Variants in SPTA1 observed in about 807,000 individuals in gnomAD.
The protein encoded by SPTA1 is spectrin alpha chain, erythrocytic 1.
SPTA1 carries 177 observed loss-of-function variants against 324.7 expected under a neutral mutation model. That is an observed-to-expected ratio of 0.55 (90% CI 0.48 to 0.62). SPTA1 has a LOEUF of 0.62. Ranked by LOEUF, SPTA1 falls within the 20% of genes least tolerant of loss-of-function variation. SPTA1 has a pLI of 0.00. For synonymous variants in SPTA1, 1,195 were observed against 1,041.3 expected (o/e 1.15, Z -2.84); for missense variants, 3,162 against 2,883.6 (o/e 1.10, Z -2.21).
chr1:158,660,844 T>C (rs1262630464), intron 18 of SPTA1, among the ~76,000 whole-genome samples: 1 of 152,154 alleles, frequency 6.6e-6, no homozygotes, highest in African/African-American at 2.4e-5. Context: ...ACAGAGGTAT[T>C]GAAACTATAT....
At position 158,686,474 on chromosome 1, in the gene SPTA1, G is replaced by A. The variant is rs1216747414; in HGVS notation, c.24+20C>T. On this transcript the variant is annotated intron_variant, in intron 1 of 51. Coordinates refer to ENST00000643759, the MANE Select transcript of SPTA1 (RefSeq NM_003126.4). ...AATAATATTAATGACAAATTGCATGGAAGAGAAATATGTACTTACGGTTTC... is the reference window on the plus strand; with the variant it reads ...AATAATATTAATGACAAATTGCATGAAAGAGAAATATGTACTTACGGTTTC... 6.6e-7 allele frequency: 1 copy of A among 1,513,718 alleles called. No homozygotes were observed. Among genetic ancestry groups the A allele is most frequent in the South Asian group, 1.1e-5 (1 of 88,818 alleles). The allele number at this position is 1,513,718 out of a possible 1,614,324, so 93.8% of individuals were successfully genotyped here.
chr1:158,643,310 C>T lies in SPTA1; in HGVS notation c.4442+12G>A, dbSNP rs367636586. ...CTTCCTTTGGCACATAAAACAATCA[C>T]TCAGGCCTGACCTGTCTAGTACACG... On this transcript the variant is annotated intron_variant, in intron 31 of 51. Coordinates refer to ENST00000643759, the MANE Select transcript of SPTA1 (RefSeq NM_003126.4). 6.2e-7 allele frequency: 1 copy of T among 1,613,664 alleles called. No individual in the cohort carries two copies. Among genetic ancestry groups the T allele is most frequent in the African/African-American group, 1.3e-5 (1 of 74,904 alleles).
intron 26 of SPTA1, 32 bp from the exon 27 acceptor site, chr1:158,647,752 C>T: frequency 6.2e-7 from 1 of 1,612,620 alleles, no homozygotes; most frequent in Non-Finnish European, 8.5e-7. Context: ...GATAATCAGC[C>T]TAGAGACACA....
chr1:158,614,238 T>A lies in SPTA1; in HGVS notation c.6842+15A>T, dbSNP rs776510221. ...TGAAAAACAAAGAAGCAGTTAACTATGAAATTATACTCACTTATAGATTGT... is the reference window on the plus strand; with the variant it reads ...TGAAAAACAAAGAAGCAGTTAACTAAGAAATTATACTCACTTATAGATTGT... On this transcript the variant is annotated intron_variant, in intron 49 of 51. Coordinates refer to ENST00000643759, the MANE Select transcript of SPTA1 (RefSeq NM_003126.4). The A allele has an allele frequency of 7.8e-5, 122 of 1,559,530 alleles. No homozygotes were observed. The highest frequency in any genetic ancestry group is 6.5e-4 in the Admixed American group (39 of 59,704).
chr1:158,638,858 C>T (rs1651309188), intron 35 of SPTA1, among the ~76,000 whole-genome samples: 1 of 151,060 alleles, frequency 6.6e-6, no homozygotes, highest in Non-Finnish European at 1.5e-5. Flanking sequence ...ACAGTACCAA[C>T]TTTGGCAGCC....
intron 3 of SPTA1, among the ~76,000 whole-genome samples, chr1:158,683,059 A>G (rs1013235531): frequency 6.6e-6 from 1 of 152,160 alleles, no homozygotes; most frequent in African/African-American, 2.4e-5. Context: ...ATTAGAAAGA[A>G]CATTGGAAAA....
At chr1:158,681,487 A>C (rs923690119) in intron 4 of SPTA1, 40 bp downstream of exon 4, 1 of 1,613,166 alleles carries the variant, frequency 6.2e-7, no homozygotes, top group South Asian at 1.1e-5. Flanking sequence ...GGGACAGAGG[A>C]GTGGGAGGCC....
At chr1:158,668,094 A>G (rs1653744888) in intron 14 of SPTA1, 32 bp from the exon 15 acceptor site, 2 of 1,566,716 alleles carry the variant, frequency 1.3e-6, no homozygotes, top group African/African-American at 1.4e-5. Flanking sequence ...AAAAAAAACC[A>G]TTACCTGAAG....
At chr1:158,684,704 T>A (rs969799603) in intron 2 of SPTA1, among the ~76,000 whole-genome samples, 3 of 152,074 alleles carry the variant, frequency 2.0e-5, no homozygotes, top group Non-Finnish European at 4.4e-5. Flanking sequence ...ATTGATGTAA[T>A]TTTTTACTTT....
At chr1:158,614,718 A>G (rs753165926) in intron 48 of SPTA1, 5 of 194,750 alleles carry the variant, frequency 2.6e-5, no homozygotes, top group Non-Finnish European at 4.2e-5. Flanking sequence ...ATTATTTATT[A>G]TCAGACCATT....
At chr1:158,648,164 G>A (rs544831649) in intron 26 of SPTA1, among the ~76,000 whole-genome samples, 1 of 152,210 alleles carries the variant, frequency 6.6e-6, no homozygotes, top group African/African-American at 2.4e-5. Context: ...TCAGATATTG[G>A]CCTGATCATC....
intron 25 of SPTA1, 30 bp from the exon 26 acceptor site, chr1:158,648,683 A>G: frequency 1.2e-6 from 2 of 1,612,164 alleles, no homozygotes; most frequent in Middle Eastern, 1.8e-4. Flanking sequence ...AGAGTTCAAA[A>G]GTAAGGATAT....
intron 12 of SPTA1, among the ~76,000 whole-genome samples, chr1:158,670,568 T>C (rs1180535630): frequency 2.0e-5 from 3 of 152,168 alleles, no homozygotes; most frequent in African/African-American, 7.2e-5. Flanking sequence ...GAGGTAGTGG[T>C]ATGTATGTGC....
At chr1:158,667,686 A>G (rs1304587379) in intron 15 of SPTA1, among the ~76,000 whole-genome samples, 172 bp downstream of exon 15, 1 of 152,234 alleles carries the variant, frequency 6.6e-6, no homozygotes, top group Non-Finnish European at 1.5e-5. Flanking sequence ...ATATAGTGTT[A>G]TAAATTCAGG....
In SPTA1 at chr1:158,672,168, G is replaced by T; in HGVS notation, c.1379C>A (p.Ala460Asp). 1 of 1,614,006 alleles carries T rather than the reference G, an allele frequency of 6.2e-7. No homozygotes were observed. Among genetic ancestry groups the T allele is most frequent in the South Asian group, 1.1e-5 (1 of 91,088 alleles). ...KMEILDNNWTALLELWDERHR... is the reference protein window; with the variant it reads ...KMEILDNNWTDLLELWDERHR... ...ACGCTCGTCCCACAGTTCCAGCAGGGCAGTCCAGTTGTTGTCAAGTATTTC... is the reference window on the plus strand; with the variant it reads ...ACGCTCGTCCCACAGTTCCAGCAGGTCAGTCCAGTTGTTGTCAAGTATTTC... The change falls in exon 11 of 52, where the codon GCC (alanine) becomes GAC (aspartate). Residue 460 changes from alanine to aspartate, a missense_variant. Physicochemically the swap from Ala to Asp is moderately radical, Grantham distance 126. Transcript: ENST00000643759.
At chr1:158,615,591 G>A (rs960509595) in intron 47 of SPTA1, among the ~76,000 whole-genome samples, 188 bp from the exon 48 acceptor site, 2 of 152,080 alleles carry the variant, frequency 1.3e-5, no homozygotes, top group Non-Finnish European at 2.9e-5. Flanking sequence ...GGGAAGTTTA[G>A]GTGAATAAAA....
intron 1 of SPTA1, 103 bp downstream of exon 1, chr1:158,686,391 T>C: frequency 1.1e-6 from 1 of 890,216 alleles, no homozygotes; most frequent in South Asian, 1.4e-5. Flanking sequence ...AAAAGCCAAA[T>C]AATTATTAAT....
chr1:158,657,483 T>C lies in SPTA1; in HGVS notation c.2799A>G (p.Ala933=). Residue 933 remains alanine, a synonymous_variant, in exon 19 of 52, where the codon GCA becomes GCG. Transcript: ENST00000643759. ...DNTNYGADEE[A]AGALLKKHEA... is the part of the protein sequence containing the mutation. ...AAACCCACCCCCACCTTACCCCAGC[T>C]GCTTCTTCATCAGCACCATAGTTAG... 3 of 1,114,572 alleles carry C rather than the reference T, an allele frequency of 2.7e-6. No individual in the cohort carries two copies. The highest frequency in any genetic ancestry group is 4.0e-6 in the Non-Finnish European group (3 of 750,444). The allele number at this position is 1,114,572 out of a possible 1,614,324, so 69.0% of individuals were successfully genotyped here. A position where few individuals can be genotyped will look rare whatever the true frequency, so the allele number is the denominator to read the frequency against.
intron 21 of SPTA1, among the ~76,000 whole-genome samples, chr1:158,654,224 G>T (rs1220989810): frequency 1.3e-5 from 2 of 152,204 alleles, no homozygotes; most frequent in South Asian, 2.1e-4. Flanking sequence ...CTTTTGGTAG[G>T]CTCCTTCTAA....
Sources: allele counts gnomAD v4.1 joint callset (sites outside exome capture counted in the v4.1 genomes callset), GRCh38; gene constraint gnomAD v4.1.1; transcripts MANE v1.5; gene names NCBI Gene and HGNC (gene_info 2026-07-23, HGNC 2026-07-21).